Variants in RYR3 observed in about 807,000 individuals in gnomAD.
RYR3 encodes the protein brain ryanodine receptor-calcium release channel.
In RYR3, 207 loss-of-function variants were observed where a neutral mutation model predicts 584.3. That is an observed-to-expected ratio of 0.35 (90% confidence interval 0.32 to 0.40). The LOEUF is 0.40. RYR3 is among the 10% of genes least tolerant of loss of function. The pLI is 1.00. For synonymous variants in RYR3, 2,416 were observed against 2,248.5 expected, an observed-to-expected ratio of 1.07 and a Z score of -2.11; for missense variants, 5,616 against 6,089.2, an observed-to-expected ratio of 0.92 and a Z score of 2.59.
At chr15:33,643,712 G>A (rs569974219) in intron 27 of RYR3, among the ~76,000 whole-genome samples, 160 of 152,242 alleles carry the variant, frequency 1.1e-3, no homozygotes, top group African/African-American at 3.7e-3. Context: ...GAAAAGTCGG[G>A]CAACTTGCAC....
chr15:33,811,460 G>A (rs2076539313), intron 72 of RYR3, among the ~76,000 whole-genome samples: 2 of 151,282 alleles, frequency 1.3e-5, no homozygotes, highest in South Asian at 4.2e-4. Context: ...GTGGTGAGCC[G>A]AGATCAGGCC....
chr15:33,711,117 A>T (rs1006041632), intron 43 of RYR3, among the ~76,000 whole-genome samples: 4 of 152,138 alleles, frequency 2.6e-5, no homozygotes, highest in African/African-American at 9.7e-5. Flanking sequence ...CAAGGCTGCA[A>T]ATTTTCCAAA....
chr15:33,494,287 A>G (rs2051229287), intron 2 of RYR3, among the ~76,000 whole-genome samples: 1 of 152,166 alleles, frequency 6.6e-6, no homozygotes, highest in Non-Finnish European at 1.5e-5. Context: ...TGAGCTTTTT[A>G]TTCTATTCAA....
chr15:33,742,593 AG>A (rs36115768), intron 52 of RYR3, 149 bp downstream of exon 52: 2 of 626,444 alleles, frequency 3.2e-6, no homozygotes, highest in African/African-American at 1.8e-5. Context: ...GCAATTTCCC[AG>A]GGTTGGTGGA....
chr15:33,770,485 C>T (rs996152215), intron 62 of RYR3, among the ~76,000 whole-genome samples: 1 of 152,192 alleles, frequency 6.6e-6, no homozygotes, highest in African/African-American at 2.4e-5. Context: ...GATGCAGTGG[C>T]TCACGCCTGT....
At chr15:33,763,904 A>AAAAAAAAAAC (rs2072748589) in intron 60 of RYR3, among the ~76,000 whole-genome samples, 1 of 130,576 alleles carries the variant, frequency 7.7e-6, no homozygotes, top group African/African-American at 3.3e-5. Context: ...AAAAAAAAAA[A>AAAAAAAAAAC]AAAAAAAAAA....
At position 33,663,717 on chromosome 15, in the gene RYR3, C is replaced by A; in HGVS notation, c.5599C>A (p.Arg1867Ser). The part of the protein sequence containing the change: ...ALTARKTKEF[R>S]SPPQEQINML... Reference sequence around the variant, plus strand: ...GACTGCCCGGAAGACCAAGGAGTTCCGCTCACCCCCACAGGAGCAGGTGAG... The same window carrying A: ...GACTGCCCGGAAGACCAAGGAGTTCAGCTCACCCCCACAGGAGCAGGTGAG... The change falls in exon 36 of 104, where the codon CGC becomes AGC. Residue 1867 changes from arginine to serine, a missense_variant. Transcript: ENST00000634891. 5 of 1,608,038 alleles carry A rather than the reference C, an allele frequency of 3.1e-6. No homozygotes were observed. The highest frequency in any genetic ancestry group is 4.2e-6 in the Non-Finnish European group (5 of 1,177,880).
chr15:33,561,905 G>GAA (rs745931310), intron 10 of RYR3, among the ~76,000 whole-genome samples: 1 of 121,832 alleles, frequency 8.2e-6, no homozygotes, highest in African/African-American at 3.0e-5. Context: ...GGCTCAAAAA[G>GAA]AAAAAAAAAA....
At chr15:33,562,361 A>G (rs1218145742) in intron 10 of RYR3, among the ~76,000 whole-genome samples, 1 of 152,218 alleles carries the variant, frequency 6.6e-6, no homozygotes, top group Non-Finnish European at 1.5e-5. Flanking sequence ...CTTTCTCTGC[A>G]GGTTTTTATA....
At chr15:33,520,456 A>AG (rs1277125355) in intron 3 of RYR3, among the ~76,000 whole-genome samples, 1 of 152,156 alleles carries the variant, frequency 6.6e-6, no homozygotes, top group Admixed American at 6.5e-5. Flanking sequence ...CCTGATGAGG[A>AG]GGAGGAGTAT....
intron 38 of RYR3, among the ~76,000 whole-genome samples, chr15:33,689,046 TA>T (rs1407054749): frequency 6.6e-6 from 1 of 151,528 alleles, no homozygotes; most frequent in Admixed American, 6.6e-5. Flanking sequence ...TATGCAGCCA[TA>T]AAAAAGGATG....
intron 1 of RYR3, among the ~76,000 whole-genome samples, chr15:33,449,729 G>A (rs995469675): frequency 2.0e-5 from 3 of 152,148 alleles, no homozygotes; most frequent in African/African-American, 7.2e-5. Context: ...TTGCAATAAC[G>A]TCAAGAGAAC....
At position 33,589,050 on chromosome 15, in the gene RYR3, G is replaced by A. The variant is rs138963184; in HGVS notation, c.1788+2934G>A. Among the ~76,000 whole-genome samples, 486 of 152,126 alleles carry A rather than the reference G, an allele frequency of 3.2e-3. 1 individual carries two copies. Among genetic ancestry groups the A allele is most frequent in the African/African-American group, 0.01 (428 of 41,520 alleles). ...AAATCTCCATACTGTTATCCATAGG[G>A]GTTGTACTAATTTACATTCCTACCA... On this transcript the variant is annotated intron_variant, in intron 16 of 103. Coordinates refer to ENST00000634891, the MANE Select transcript of RYR3 (RefSeq NM_001036.6).
chr15:33,501,046 G>A lies in RYR3; in HGVS notation c.172-2585G>A, dbSNP rs528905583. On this transcript the variant is annotated intron_variant, in intron 2 of 103. Coordinates refer to ENST00000634891, the MANE Select transcript of RYR3 (RefSeq NM_001036.6). The stretch of plus-strand genomic sequence containing the variant: ...TCCAGGCAGGGACCACACACCAGAG[G>A]TACAGAAACTAAGCTGCCAGGAAAC... 3.9e-5 allele frequency among the ~76,000 whole-genome samples: 6 copies of A among 152,236 alleles called. No homozygotes were observed. In the South Asian group the frequency reaches 1.0e-3, roughly 26 times the overall value.
At chr15:33,346,926 G>T (rs988828860) in intron 1 of RYR3, among the ~76,000 whole-genome samples, 3 of 152,150 alleles carry the variant, frequency 2.0e-5, no homozygotes, top group Non-Finnish European at 4.4e-5. Flanking sequence ...AACATAGCAA[G>T]ACCCTGTATC....
At chr15:33,742,495 G>A in intron 52 of RYR3, 51 bp downstream of exon 52, 1 of 1,179,484 alleles carries the variant, frequency 8.5e-7, no homozygotes, top group Non-Finnish European at 1.3e-6. Context: ...AACAGCCCAA[G>A]AACATTAAAG....
intron 20 of RYR3, among the ~76,000 whole-genome samples, chr15:33,625,662 A>G (rs570764994): frequency 2.6e-5 from 4 of 152,222 alleles, no homozygotes; most frequent in South Asian, 4.1e-4. Flanking sequence ...TGGAGCTTAT[A>G]TACCATCTTA....
chr15:33,705,460 CTT>C (rs1394440828), intron 42 of RYR3, among the ~76,000 whole-genome samples: 1 of 152,126 alleles, frequency 6.6e-6, no homozygotes, highest in Non-Finnish European at 1.5e-5. Context: ...CCATCTCTGA[CTT>C]TGAGGATTTT....
At position 33,842,110 on chromosome 15, in the gene RYR3, T is replaced by C. The variant is rs182665243; in HGVS notation, c.13209+75T>C. The stretch of plus-strand genomic sequence containing the variant: ...CAGATGGCAGAGAGGTGCCGCTGAT[T>C]TGTTTCACTGTTTGGTCAGTTACAC... On this transcript the variant is annotated intron_variant, in intron 91 of 103. Coordinates refer to ENST00000634891, the MANE Select transcript of RYR3 (RefSeq NM_001036.6). 1,912 of 1,484,280 alleles carry C rather than the reference T, an allele frequency of 1.3e-3. 18 individuals carry two copies. In the African/African-American group the frequency reaches 0.023, roughly 18 times the overall value. 91.9% of individuals were successfully genotyped at this position (1,484,280 alleles called of 1,614,324 possible).
Sources: gnomAD v4.1 joint callset for allele counts (sites outside exome capture counted in the v4.1 genomes callset) on GRCh38, gnomAD v4.1.1 for gene constraint, MANE v1.5 for transcripts, NCBI Gene and HGNC (gene_info 2026-07-23, HGNC 2026-07-21) for gene names.